The following MAPK10 variants were observed in gnomAD, a reference collection of about 807,000 sequenced individuals.
MAPK10 encodes the protein JNK3 alpha protein kinase.
In MAPK10, 25 loss-of-function variants were observed where a neutral mutation model predicts 59.3. That is an observed-to-expected ratio of 0.42 (90% CI 0.31 to 0.59). The LOEUF is 0.59. Ranked by LOEUF, MAPK10 falls within the 20% of genes least tolerant of loss-of-function variation. The pLI is 0.15. For missense variants in MAPK10, 351 were observed against 568.9 expected (o/e 0.62, Z 3.90); for synonymous variants, 190 against 200.5 (o/e 0.95, Z 0.44).
chr4:86,474,255 T>C (rs541225148), intron 1 of MAPK10, among the ~76,000 whole-genome samples: 4 of 152,332 alleles, frequency 2.6e-5, no homozygotes, highest in African/African-American at 9.6e-5. Context: ...ATTTTTATGG[T>C]TAATATGGAA....
At chr4:86,414,496 TAA>T (rs1443979711) in intron 1 of MAPK10, among the ~76,000 whole-genome samples, 1 of 152,174 alleles carries the variant, frequency 6.6e-6, no homozygotes, top group Non-Finnish European at 1.5e-5. Context: ...TTTATTACCA[TAA>T]AGAGAGTCAG....
At chr4:86,074,627 G>A (rs1440417128) in intron 9 of MAPK10, among the ~76,000 whole-genome samples, 1 of 135,676 alleles carries the variant, frequency 7.4e-6, no homozygotes, top group Non-Finnish European at 1.6e-5. Context: ...TGTCTGTAAA[G>A]TATTTTATTT....
intron 2 of MAPK10, among the ~76,000 whole-genome samples, chr4:86,214,710 A>G (rs908620098): frequency 6.6e-6 from 1 of 152,052 alleles, no homozygotes; most frequent in African/African-American, 2.4e-5. Context: ...CTTAACCAAG[A>G]AGGAAAAACA....
intron 4 of MAPK10, among the ~76,000 whole-genome samples, chr4:86,145,700 CTCTT>C (rs1362470273): frequency 6.6e-6 from 1 of 152,106 alleles, no homozygotes; most frequent in Non-Finnish European, 1.5e-5. Context: ...ATCTATTTCT[CTCTT>C]TCTTGCTATT....
intron 1 of MAPK10, among the ~76,000 whole-genome samples, chr4:86,508,974 T>A (rs985566959): frequency 3.9e-5 from 6 of 152,188 alleles, no homozygotes; most frequent in Non-Finnish European, 8.8e-5. Context: ...CTTGTTTTTT[T>A]CTTAGAATTC....
chr4:86,154,421 GTAAAGT>G (rs1328514459), intron 4 of MAPK10, among the ~76,000 whole-genome samples: 1 of 152,106 alleles, frequency 6.6e-6, no homozygotes. Context: ...TGGAGTATTA[GTAAAGT>G]TATTTTATTA....
At chr4:86,482,206 T>G (rs1468068905) in intron 1 of MAPK10, among the ~76,000 whole-genome samples, 1 of 152,212 alleles carries the variant, frequency 6.6e-6, no homozygotes, top group African/African-American at 2.4e-5. Flanking sequence ...CCTAGCTCAT[T>G]TGTAGGGGAA....
chr4:86,314,615 G>A (rs1032026463), intron 2 of MAPK10, among the ~76,000 whole-genome samples: 2 of 152,018 alleles, frequency 1.3e-5, no homozygotes, highest in African/African-American at 2.4e-5. Flanking sequence ...GGACCAACCC[G>A]ATAGGTATAT....
At chr4:86,331,133 G>A (rs1205008109) in intron 2 of MAPK10, among the ~76,000 whole-genome samples, 1 of 152,146 alleles carries the variant, frequency 6.6e-6, no homozygotes, top group African/African-American at 2.4e-5. Flanking sequence ...TTATAAGGAA[G>A]CTGAAAAGGG....
At chr4:86,362,719 T>C (rs1372015088), upstream of MAPK10, among the ~76,000 whole-genome samples, 1 of 152,090 alleles carries the variant, frequency 6.6e-6, no homozygotes, top group Non-Finnish European at 1.5e-5. Flanking sequence ...TCAGCAGAAA[T>C]ATACAAATTA....
intron 2 of MAPK10, among the ~76,000 whole-genome samples, chr4:86,287,478 T>C (rs570944626): frequency 4.6e-5 from 7 of 152,260 alleles, no homozygotes; most frequent in Middle Eastern, 3.4e-3. Context: ...CATCACAAGA[T>C]AGGAAAACAC....
chr4:86,212,211 A>T (rs1005832928), intron 2 of MAPK10, among the ~76,000 whole-genome samples: 3 of 152,170 alleles, frequency 2.0e-5, no homozygotes, highest in African/African-American at 7.2e-5. Flanking sequence ...TTTGCTTTAG[A>T]TCCAAAGACA....
chr4:86,458,976 A>G (rs758505246), intron 1 of MAPK10, among the ~76,000 whole-genome samples: 1 of 152,226 alleles, frequency 6.6e-6, no homozygotes. Context: ...TGAATAGACA[A>G]CCCACAGAAT....
intron 2 of MAPK10, among the ~76,000 whole-genome samples, chr4:86,291,233 G>T (rs981264198): frequency 1.1e-4 from 16 of 152,100 alleles, no homozygotes; most frequent in African/African-American, 3.9e-4. Context: ...TTCAGCACTG[G>T]GGATAAATAA....
intron 2 of MAPK10, among the ~76,000 whole-genome samples, chr4:86,349,589 G>T (rs142130694): frequency 1.2e-4 from 19 of 152,148 alleles, no homozygotes; most frequent in Non-Finnish European, 2.2e-4. Flanking sequence ...TAATGCACAG[G>T]TTACTGTGAG....
At chr4:86,467,321 G>A (rs553285475) in intron 1 of MAPK10, among the ~76,000 whole-genome samples, 3 of 152,342 alleles carry the variant, frequency 2.0e-5, no homozygotes, top group African/African-American at 7.2e-5. Flanking sequence ...CCAGTTAAAA[G>A]TGGTTGACTT....
chr4:86,189,244 T>C (rs1238662529), intron 3 of MAPK10, among the ~76,000 whole-genome samples: 1 of 152,200 alleles, frequency 6.6e-6, no homozygotes, highest in African/African-American at 2.4e-5. Context: ...TTTGGTTCCA[T>C]ATGAAATTTA....
chr4:86,214,511 TAAAAAAAAAA>T (rs70948783), intron 2 of MAPK10, among the ~76,000 whole-genome samples: 1 of 75,974 alleles, frequency 1.3e-5, no homozygotes, highest in Non-Finnish European at 2.6e-5. Context: ...TAAGATTCCT[TAAAAAAAAAA>T]AAAAAAAAAA....
intron 8 of MAPK10, chr4:86,100,267 G>A (rs1041135142): frequency 6.6e-6 from 1 of 151,996 alleles, no homozygotes; most frequent in Non-Finnish European, 1.5e-5. Flanking sequence ...TTACTTGTAA[G>A]ATATAGTCTC....
Sources: gnomAD v4.1 joint callset for allele counts (sites outside exome capture counted in the v4.1 genomes callset) on GRCh38, gnomAD v4.1.1 for gene constraint, MANE v1.5 for transcripts, NCBI Gene and HGNC (gene_info 2026-07-23, HGNC 2026-07-21) for gene names.